LAMTOR3: variants seen among roughly 807,000 people sequenced by gnomAD.
The protein encoded by LAMTOR3 is late endosomal/lysosomal adaptor, MAPK and MTOR activator 3, also known as ragulator complex protein LAMTOR3.
Under a neutral mutation model 20.3 loss-of-function variants are expected in LAMTOR3, and 14 were observed. That is an observed-to-expected ratio of 0.69 (90% CI 0.46 to 1.08). The LOEUF is 1.08. LAMTOR3 is among the 50% of genes least tolerant of loss of function. The pLI, the probability that LAMTOR3 is intolerant of heterozygous loss-of-function variation, is 0.00. For synonymous variants in LAMTOR3, 40 were observed against 49.4 expected, an observed-to-expected ratio of 0.81 and a Z score of 0.80; for missense variants, 125 against 143.7, an observed-to-expected ratio of 0.87 and a Z score of 0.67.
intron 3 of LAMTOR3, among the ~76,000 whole-genome samples, chr4:99,887,654 T>C (rs977584748): frequency 6.6e-6 from 1 of 152,240 alleles, no homozygotes; most frequent in African/African-American, 2.4e-5. Flanking sequence ...GCATGAAAGA[T>C]TATCAGCAGG....
At chr4:99,888,972 A>T (rs1355515883) in intron 3 of LAMTOR3, among the ~76,000 whole-genome samples, 1 of 152,188 alleles carries the variant, frequency 6.6e-6, no homozygotes, top group Non-Finnish European at 1.5e-5. Flanking sequence ...TGGGAGGCCA[A>T]GGTGGGCAGA....
Position 99,881,513 on chromosome 4 carries a change from T to A in LAMTOR3, c.*481A>T, listed in dbSNP as rs1405667347. The A allele has an allele frequency of 6.5e-6, 1 of 153,722 alleles. No individual in the cohort carries two copies. The highest frequency in any genetic ancestry group is 2.4e-5 in the African/African-American group (1 of 41,480). The allele number at this position is 153,722 out of a possible 1,614,324, so 9.5% of individuals were successfully genotyped here. On this transcript the variant is annotated 3_prime_UTR_variant, in exon 7 of 7. Transcript: ENST00000499666. ...TTAGTGATTGTACTGATTTTATTAC[T>A]TTTACCAAGCCATTTTATGTTCCTC...
intron 3 of LAMTOR3, among the ~76,000 whole-genome samples, chr4:99,889,281 A>T (rs1008427973): frequency 3.3e-5 from 5 of 152,226 alleles, no homozygotes; most frequent in African/African-American, 1.2e-4. Context: ...TATACTACAG[A>T]TATTTGTACA....
rs199578603 is a variant in LAMTOR3 at position 99,885,573 on chromosome 4, T to C, written c.206A>G (p.Lys69Arg). ...GGTGTTATAGTAACAGATGATACTT[T>C]TATTTTTGGAAAGTCCAAGTTTGCT... ...QGSKLGLSKN[K>R]SIICYYNTYQ... The change falls in exon 5 of 7, where the codon AAA (lysine) becomes AGA (arginine). Residue 69 changes from lysine (K) to arginine (R), a missense_variant. Physicochemically the swap from Lys to Arg is conservative, Grantham distance 26. Around this residue, in one of 3 missense-constraint regions of LAMTOR3, gnomAD observed 99 missense variants for 96.0 expected, o/e 1.03. Transcript: ENST00000499666. The C allele has an allele frequency of 1.2e-6, 2 of 1,613,208 alleles. No homozygotes were observed. The highest frequency in any genetic ancestry group is 1.7e-6 in the Non-Finnish European group (2 of 1,179,558).
chr4:99,893,937 T>C lies in LAMTOR3; in HGVS notation c.9+18A>G, dbSNP rs368672153. On this transcript the variant is annotated intron_variant, in intron 2 of 6. Transcript: ENST00000499666. ...ATTCCCCACTCTCCCCTTCCTCTTATGTAGGGGTGTCACTCACATCCGCCA... is the reference window on the plus strand; with the variant it reads ...ATTCCCCACTCTCCCCTTCCTCTTACGTAGGGGTGTCACTCACATCCGCCA... 18 of 1,523,354 alleles carry C rather than the reference T, an allele frequency of 1.2e-5. No homozygotes were observed. In the African/African-American group the frequency reaches 2.0e-4, roughly 17 times the overall value. 94.4% of individuals were successfully genotyped at this position (1,523,354 alleles called of 1,614,324 possible).
chr4:99,889,678 G>A (rs1222049147), intron 3 of LAMTOR3, among the ~76,000 whole-genome samples: 3 of 152,186 alleles, frequency 2.0e-5, no homozygotes, highest in African/African-American at 7.2e-5. Flanking sequence ...TGTGGCTGGA[G>A]AGGAAGGATG....
At chr4:99,888,794 TAAG>T (rs1284924308) in intron 3 of LAMTOR3, among the ~76,000 whole-genome samples, 1 of 152,202 alleles carries the variant, frequency 6.6e-6, no homozygotes, top group Non-Finnish European at 1.5e-5. Context: ...ACATTAAAAA[TAAG>T]AATAAAATAA....
chr4:99,883,995 G>T, intron 6 of LAMTOR3, 67 bp downstream of exon 6: 1 of 1,120,572 alleles, frequency 8.9e-7, no homozygotes, highest in Non-Finnish European at 1.3e-6. Flanking sequence ...CTTAAATTAA[G>T]GTATGGTAAT....
intron 6 of LAMTOR3, 72 bp downstream of exon 6, chr4:99,883,990 A>G: frequency 1.8e-6 from 2 of 1,096,166 alleles, no homozygotes; most frequent in South Asian, 2.8e-5. Context: ...TTCCTCTTAA[A>G]TTAAGGTATG....
intron 3 of LAMTOR3, 100 bp downstream of exon 3, chr4:99,891,900 T>C: frequency 1.4e-6 from 2 of 1,477,038 alleles, no homozygotes; most frequent in Non-Finnish European, 1.8e-6. Context: ...AAAGGAAATC[T>C]CAGAGATACT....
chr4:99,893,435 T>C (rs752832406), intron 2 of LAMTOR3, among the ~76,000 whole-genome samples: 2 of 152,142 alleles, frequency 1.3e-5, no homozygotes, highest in Admixed American at 6.5e-5. Flanking sequence ...ATCCAGCACT[T>C]ACTATTCTCC....
chr4:99,885,953 A>C (rs778213934), intron 4 of LAMTOR3, among the ~76,000 whole-genome samples: 1 of 152,220 alleles, frequency 6.6e-6, no homozygotes, highest in African/African-American at 2.4e-5. Context: ...TATCTAACTT[A>C]AAACAGATTA....
intron 2 of LAMTOR3, among the ~76,000 whole-genome samples, chr4:99,893,234 G>C (rs967357638): frequency 6.6e-6 from 1 of 151,866 alleles, no homozygotes; most frequent in Non-Finnish European, 1.5e-5. Flanking sequence ...GGCTGATCTT[G>C]AACTCCCGGC....
rs1724799978 is a variant in LAMTOR3, at chr4:99,880,292, G to A, written c.*1702C>T. 1 of 152,008 alleles carries A rather than the reference G, an allele frequency of 6.6e-6. No homozygotes were observed. Among genetic ancestry groups the A allele is most frequent in the Non-Finnish European group, 1.5e-5 (1 of 67,972 alleles). 9.4% of individuals were successfully genotyped at this position (152,008 alleles called of 1,614,324 possible). On this transcript the variant is annotated 3_prime_UTR_variant, in exon 7 of 7. Transcript: ENST00000499666. ...ACTGAAGAAGGGAGGAAGGATGGAA[G>A]GAAGAAAAAGTAGCACATGGCCCGG... is the stretch of plus-strand genomic sequence containing the variant.
intron 4 of LAMTOR3, among the ~76,000 whole-genome samples, chr4:99,886,918 A>ATATATGTATGTATATATGTGTGTG (rs1724936247): frequency 7.0e-6 from 1 of 141,974 alleles, no homozygotes; most frequent in Non-Finnish European, 1.6e-5. Flanking sequence ...TGTGTGTGGT[A>ATATATGTATGTATATATGTGTGTG]TGTATATATA....
At chr4:99,885,143 A>C (rs1373146364) in intron 5 of LAMTOR3, among the ~76,000 whole-genome samples, 1 of 152,170 alleles carries the variant, frequency 6.6e-6, no homozygotes, top group Non-Finnish European at 1.5e-5. Context: ...ATATATTTCC[A>C]AAAAATGAAG....
At chr4:99,883,104 T>A (rs1367507533) in intron 6 of LAMTOR3, among the ~76,000 whole-genome samples, 1 of 152,074 alleles carries the variant, frequency 6.6e-6, no homozygotes, top group African/African-American at 2.4e-5. Flanking sequence ...AAACTCAGAT[T>A]TAGTATATTT....
chr4:99,887,670 T>A (rs192462757), intron 3 of LAMTOR3, among the ~76,000 whole-genome samples: 3 of 152,200 alleles, frequency 2.0e-5, no homozygotes, highest in Non-Finnish European at 4.4e-5. Flanking sequence ...GCAGGGGCTA[T>A]AGTGACAAAA....
chr4:99,887,386 A>T (rs1578203284), intron 3 of LAMTOR3, 32 bp from the exon 4 acceptor site: 1 of 1,070,596 alleles, frequency 9.3e-7, no homozygotes, highest in Non-Finnish European at 1.3e-6. Flanking sequence ...AATATAAAAA[A>T]AGTTAAAATA....
Sources: allele counts gnomAD v4.1 joint callset (sites outside exome capture counted in the v4.1 genomes callset), GRCh38; gene constraint gnomAD v4.1.1; regional missense constraint gnomAD v4.1.1; transcripts MANE v1.5; gene names NCBI Gene and HGNC (gene_info 2026-07-23, HGNC 2026-07-21).